The following FGF17 variants were observed in gnomAD, a reference collection of about 807,000 sequenced individuals.
The protein encoded by FGF17 is fibroblast growth factor 17.
Under a neutral mutation model 23.5 loss-of-function variants are expected in FGF17, and 5 were observed. The ratio of observed to expected loss-of-function variants is 0.21; its 90% CI spans 0.11 to 0.45. The LOEUF is 0.45. FGF17 is among the 20% of genes least tolerant of loss of function. The pLI is 0.99. For missense variants in FGF17, 221 were observed against 306.9 expected (o/e 0.72, Z 2.09); for synonymous variants, 136 against 123.0 (o/e 1.11, Z -0.70).
rs967079881 is a variant in FGF17 at position 22,046,201 on chromosome 8, G to A, written c.160G>A (p.Glu54Lys). Residue 54 changes from glutamate (E) to lysine (K), a missense_variant, in exon 3 of 5, where the codon GAG becomes AAG. Physicochemically the swap from Glu to Lys is moderately conservative, Grantham distance 56. This residue lies in a region of FGF17 where 58 missense variants were observed against 121.0 expected (regional missense o/e 0.48). Coordinates refer to ENST00000359441, the MANE Select transcript of FGF17 (RefSeq NM_003867.4). ...TDQLSRRQIREYQLYSRTSGK... is the reference protein window; with the variant it reads ...TDQLSRRQIRKYQLYSRTSGK... ...CCAGCTGAGCAGGCGGCAGATCCGC[G>A]AGTACCAACTCTACAGCAGGACCAG... 2 of 1,614,080 alleles carry A rather than the reference G, an allele frequency of 1.2e-6. No homozygotes were observed. The highest frequency in any genetic ancestry group is 1.7e-6 in the Non-Finnish European group (2 of 1,180,052).
chr8:22,043,076 G>GGGGGCC, intron 1 of FGF17, 69 bp from the exon 2 acceptor site: 2 of 1,599,912 alleles, frequency 1.3e-6, no homozygotes, highest in Non-Finnish European at 1.7e-6. Flanking sequence ...GGGCGGGGGC[G>GGGGGCC]GGGGCCTGGG....
chr8:22,047,884 T>C (rs1302630573), intron 4 of FGF17, 72 bp from the exon 5 acceptor site: 8 of 1,479,546 alleles, frequency 5.4e-6, no homozygotes, highest in South Asian at 5.3e-5. Context: ...TCGTCCAAAA[T>C]AGGCCGTAAG....
chr8:22,044,643 G>C (rs981687669), intron 2 of FGF17: 1 of 982,292 alleles, frequency 1.0e-6, no homozygotes, highest in Admixed American at 6.1e-5. Flanking sequence ...GCGTGGGGCA[G>C]GCTGGGCAGG....
chr8:22,048,090 C>T lies in FGF17; in HGVS notation c.492C>T (p.Arg164=), dbSNP rs1182566999. ...AGGGGCGGCCCCGCCAGGCTTCCCG[C>T]AGCCGCCAGAACCAGCGCGAGGCCC... The part of the protein sequence containing the change: ...TRQGRPRQAS[R]SRQNQREAHF... The change falls in exon 5 of 5, where the codon CGC becomes CGT. Residue 164 remains arginine (R), a synonymous_variant. Coordinates refer to ENST00000359441, the MANE Select transcript of FGF17 (RefSeq NM_003867.4). This position sits in a 1 kb window ranked among gnomAD's most constrained non-coding sequence, Gnocchi z 6.9. The T allele has an allele frequency of 1.2e-6, 2 of 1,612,788 alleles. No homozygotes were observed. Among genetic ancestry groups the T allele is most frequent in the Admixed American group, 1.7e-5 (1 of 59,978 alleles).
At chr8:22,046,873 T>A (rs1242940460) in intron 4 of FGF17, among the ~76,000 whole-genome samples, 2 of 151,814 alleles carry the variant, frequency 1.3e-5, no homozygotes, top group South Asian at 4.2e-4. Context: ...TTTGTACTCC[T>A]GGGCTCAAGC....
chr8:22,048,157 A>C lies in FGF17; in HGVS notation c.559A>C (p.Asn187His). 3 of 1,613,226 alleles carry C rather than the reference A, an allele frequency of 1.9e-6. No homozygotes were observed. The highest frequency in any genetic ancestry group is 2.5e-6 in the Non-Finnish European group (3 of 1,179,786). The change falls in exon 5 of 5, where the codon AAC (asparagine) becomes CAC (histidine). Residue 187 changes from asparagine to histidine, a missense_variant. This residue lies in a region of FGF17 where 128 missense variants were observed against 150.4 expected (regional missense o/e 0.85). Coordinates refer to ENST00000359441, the MANE Select transcript of FGF17 (RefSeq NM_003867.4). The surrounding 1 kb of genome is among the most constrained non-coding windows in gnomAD (Gnocchi z 6.9). ...RLYQGQLPFP[N>H]HAEKQKQFEF... is the part of the protein sequence containing the mutation. ...CTACCAAGGCCAGCTGCCCTTCCCC[A>C]ACCACGCCGAGAAGCAGAAGCAGTT... is the stretch of plus-strand genomic sequence containing the variant.
chr8:22,042,157 A>G (rs1337084614), upstream of FGF17, among the ~76,000 whole-genome samples: 2 of 152,226 alleles, frequency 1.3e-5, no homozygotes, highest in Non-Finnish European at 2.9e-5. Flanking sequence ...CTCTTCTCCA[A>G]GTGTCTGTCT....
chr8:22,039,997 C>T (rs1461262322), upstream of FGF17, among the ~76,000 whole-genome samples: 7 of 152,158 alleles, frequency 4.6e-5, no homozygotes, highest in Admixed American at 3.3e-4. Flanking sequence ...CACAGCAGCC[C>T]AGGCTACTTC....
At position 22,046,309 on chromosome 8, in the gene FGF17, C is replaced by G. The variant is rs1315334606; in HGVS notation, c.250+18C>G. 1 of 1,607,742 alleles carries G rather than the reference C, an allele frequency of 6.2e-7. No homozygotes were observed. Among genetic ancestry groups the G allele is most frequent in the African/African-American group, 1.3e-5 (1 of 74,900 alleles). On this transcript the variant is annotated intron_variant, in intron 3 of 4. Coordinates refer to ENST00000359441, the MANE Select transcript of FGF17 (RefSeq NM_003867.4). ...CAAGTTTGGTGAGAGTTGGCCCTCC[C>G]CCCAGGGCACCCACACCTCCACTCT...
chr8:22,048,411 T>A lies in FGF17; in HGVS notation c.*162T>A. On this transcript the variant is annotated 3_prime_UTR_variant, in exon 5 of 5. Transcript: ENST00000359441. This position sits in a 1 kb window ranked among gnomAD's most constrained non-coding sequence, Gnocchi z 6.9. ...CCCCAGCTGGGAAGGGGCAGGCCGG[T>A]GCCCCAGGGGCGGCTGGCACAGTGC... is the stretch of plus-strand genomic sequence containing the variant. 1 of 676,982 alleles carries A rather than the reference T, an allele frequency of 1.5e-6. No individual in the cohort carries two copies. Among genetic ancestry groups the A allele is most frequent in the East Asian group, 2.8e-5 (1 of 36,304 alleles). The allele number at this position is 676,982 out of a possible 1,614,324, so 41.9% of individuals were successfully genotyped here.
chr8:22,043,005 C>T (rs768266798), intron 1 of FGF17, 42 bp downstream of exon 1: 2 of 1,609,542 alleles, frequency 1.2e-6, no homozygotes, highest in Non-Finnish European at 1.7e-6. Context: ...GTTGCCATTT[C>T]CAGCCTCAGG....
In FGF17 at chr8:22,048,274, C is replaced by T. The variant is rs1277041619; in HGVS notation, c.*25C>T. Reference sequence around the variant, plus strand: ...GTCTGGGAGGCAGGGGGCAGCAGCCCCTGGGCCGCCTCCCCACCCCTTTCC... The same window carrying T: ...GTCTGGGAGGCAGGGGGCAGCAGCCTCTGGGCCGCCTCCCCACCCCTTTCC... On this transcript the variant is annotated 3_prime_UTR_variant, in exon 5 of 5. Transcript: ENST00000359441. The surrounding 1 kb of genome is among the most constrained non-coding windows in gnomAD (Gnocchi z 6.9). The T allele has an allele frequency of 1.3e-6, 2 of 1,547,632 alleles. No individual in the cohort carries two copies. The highest frequency in any genetic ancestry group is 1.4e-5 in the African/African-American group (1 of 73,586).
chr8:22,040,813 G>A (rs1188593719), upstream of FGF17, among the ~76,000 whole-genome samples: 1 of 152,238 alleles, frequency 6.6e-6, no homozygotes, highest in Non-Finnish European at 1.5e-5. Flanking sequence ...TTAATGCCCT[G>A]CCTGGGGGCT....
intron 2 of FGF17, 166 bp from the exon 3 acceptor site, chr8:22,045,948 G>A (rs527864022): frequency 6.5e-7 from 1 of 1,529,572 alleles, no homozygotes; most frequent in Non-Finnish European, 8.8e-7. Flanking sequence ...GTTATGACCG[G>A]CTCACCCAGG....
In FGF17 at chr8:22,046,512, C is replaced by T. The variant is rs759799719; in HGVS notation, c.251-15C>T. On this transcript the variant is annotated splice_polypyrimidine_tract_variant and intron_variant, in intron 3 of 4. Transcript: ENST00000359441. ...CCCCGATGGACGGAGGTCTTTCTCC[C>T]CTCCCCCACCACAGCCAAGCTCATA... 1.9e-6 allele frequency: 3 copies of T among 1,604,676 alleles called. No individual in the cohort carries two copies. The highest frequency in any genetic ancestry group is 1.7e-6 in the Non-Finnish European group (2 of 1,172,972).
chr8:22,045,602 A>G, intron 2 of FGF17: 4 of 1,015,154 alleles, frequency 3.9e-6, no homozygotes, highest in Non-Finnish European at 4.7e-6. Context: ...CCTAACTCGC[A>G]GCACCATCTG....
chr8:22,045,482 G>T, intron 2 of FGF17: 1 of 990,206 alleles, frequency 1.0e-6, no homozygotes. Context: ...CAGGGGGCAA[G>T]GCCGGGAAGA....
chr8:22,046,305 C>T lies in FGF17; in HGVS notation c.250+14C>T. ...GCAACAAGTTTGGTGAGAGTTGGCCCTCCCCCCAGGGCACCCACACCTCCA... is the reference window on the plus strand; with the variant it reads ...GCAACAAGTTTGGTGAGAGTTGGCCTTCCCCCCAGGGCACCCACACCTCCA... On this transcript the variant is annotated intron_variant, in intron 3 of 4. Transcript: ENST00000359441. 6.2e-7 allele frequency: 1 copy of T among 1,610,280 alleles called. No homozygotes were observed. The highest frequency in any genetic ancestry group is 2.2e-5 in the East Asian group (1 of 44,840).
At chr8:22,046,088 C>A in intron 2 of FGF17, 26 bp from the exon 3 acceptor site, 1 of 1,614,080 alleles carries the variant, frequency 6.2e-7, no homozygotes. Context: ...CAAATTGACA[C>A]TATTTTTCCC....
Sources: allele counts gnomAD v4.1 joint callset (sites outside exome capture counted in the v4.1 genomes callset), GRCh38; gene constraint gnomAD v4.1.1; regional missense constraint gnomAD v4.1.1; non-coding constraint Gnocchi (gnomAD v3.1); transcripts MANE v1.5; gene names NCBI Gene and HGNC (gene_info 2026-07-23, HGNC 2026-07-21).